Variants in CSMD1 observed in about 807,000 individuals in gnomAD.
CSMD1 encodes the protein CUB and Sushi multiple domains 1.
In CSMD1, 213 loss-of-function variants were observed where a neutral mutation model predicts 417.5. That is an observed-to-expected ratio of 0.51 (90% CI 0.46 to 0.57). The LOEUF (loss-of-function observed/expected upper bound fraction) is 0.57. Among genes scored for constraint, CSMD1 ranks in the 20% least tolerant of loss-of-function variants. The probability of loss-of-function intolerance (pLI) is 0.00; values close to 1 mark genes in which losing one functional copy is unlikely to be tolerated. For missense variants in CSMD1, 6,923 were observed against 4,529.7 expected (o/e 1.53, Z -15.17); for synonymous variants, 2,862 against 1,736.8 (o/e 1.65, Z -16.11).
chr8:4,915,917 G>A (rs1585320871), intron 1 of CSMD1, among the ~76,000 whole-genome samples: 1 of 152,170 alleles, frequency 6.6e-6, no homozygotes. Context: ...CTCTTCATGG[G>A]GAGTGGGTAT....
chr8:2,977,121 T>C (rs1804995744), intron 55 of CSMD1, among the ~76,000 whole-genome samples: 1 of 152,172 alleles, frequency 6.6e-6, no homozygotes, highest in Admixed American at 6.5e-5. Context: ...TATCTTTATT[T>C]AAGTTCTGGG....
At chr8:3,158,008 C>A (rs1296570926) in intron 38 of CSMD1, 42 bp from the exon 39 acceptor site, 1 of 1,438,160 alleles carries the variant, frequency 7.0e-7, no homozygotes, top group Non-Finnish European at 9.6e-7. Context: ...TAACTAAAAA[C>A]AGAGTATTTA....
chr8:4,184,832 G>C (rs1310314896), intron 3 of CSMD1, among the ~76,000 whole-genome samples: 1 of 151,942 alleles, frequency 6.6e-6, no homozygotes, highest in Non-Finnish European at 1.5e-5. Context: ...ATGTACCCCT[G>C]AATTTAAAAT....
chr8:4,911,574 G>A (rs1805673137), intron 1 of CSMD1, among the ~76,000 whole-genome samples: 1 of 152,134 alleles, frequency 6.6e-6, no homozygotes, highest in South Asian at 2.1e-4. Context: ...CCCTCTACCT[G>A]CATCCAGGGA....
intron 3 of CSMD1, among the ~76,000 whole-genome samples, chr8:4,268,656 T>A (rs775316105): frequency 2.0e-5 from 3 of 152,106 alleles, no homozygotes; most frequent in Non-Finnish European, 4.4e-5. Context: ...TCTCTGTAAA[T>A]TCCAAGTACA....
intron 2 of CSMD1, among the ~76,000 whole-genome samples, chr8:4,577,139 T>C (rs1411014930): frequency 6.6e-6 from 1 of 152,200 alleles, no homozygotes; most frequent in Non-Finnish European, 1.5e-5. Flanking sequence ...TTCTGCAATG[T>C]TTCCTTGGGT....
Position 4,072,277 on chromosome 8 carries a change from T to A in CSMD1, c.416-40178A>T, listed in dbSNP as rs537772675. Reference sequence around the variant, plus strand: ...TAGGAGTTTATTTGGCCATCCTGAATTGCACTTTTACAAAAAAATACCTTC... The same window carrying A: ...TAGGAGTTTATTTGGCCATCCTGAAATGCACTTTTACAAAAAAATACCTTC... On this transcript the variant is annotated intron_variant, in intron 3 of 69. Coordinates refer to ENST00000635120, the MANE Select transcript of CSMD1 (RefSeq NM_033225.6). Among the ~76,000 whole-genome samples the A allele has an allele frequency of 3.9e-5, 6 of 152,316 alleles. No individual in the cohort carries two copies. The South Asian group carries it at 6.2e-4, about 16-fold the overall frequency.
intron 2 of CSMD1, among the ~76,000 whole-genome samples, chr8:4,625,171 G>A (rs538104157): frequency 3.9e-5 from 6 of 151,994 alleles, no homozygotes; most frequent in East Asian, 3.9e-4. Context: ...AATCTCGTAC[G>A]GGGAGATACA....
chr8:3,618,822 T>C (rs1802274917), intron 7 of CSMD1, among the ~76,000 whole-genome samples: 2 of 152,212 alleles, frequency 1.3e-5, no homozygotes, highest in South Asian at 4.1e-4. Context: ...ATGACTTGCG[T>C]GGCACAGTGC....
intron 5 of CSMD1, among the ~76,000 whole-genome samples, chr8:3,933,990 C>T (rs141571374): frequency 7.9e-4 from 120 of 152,244 alleles, no homozygotes; most frequent in Admixed American, 1.4e-3. Flanking sequence ...GTGGCAAACC[C>T]ATGGCAAATA....
chr8:4,087,476 C>A (rs115797132), intron 3 of CSMD1, among the ~76,000 whole-genome samples: 1 of 152,194 alleles, frequency 6.6e-6, no homozygotes, highest in Non-Finnish European at 1.5e-5. Flanking sequence ...CCTTTTCTTT[C>A]CAAACCACCT....
intron 12 of CSMD1, among the ~76,000 whole-genome samples, chr8:3,429,615 T>A (rs192089120): frequency 3.3e-5 from 5 of 152,062 alleles, no homozygotes; most frequent in Non-Finnish European, 7.4e-5. Flanking sequence ...TGACGAGGGG[T>A]GGTGAAAACA....
intron 5 of CSMD1, among the ~76,000 whole-genome samples, chr8:3,907,846 GT>G (rs1484773196): frequency 6.6e-6 from 1 of 152,134 alleles, no homozygotes; most frequent in African/African-American, 2.4e-5. Context: ...CATCAACTCT[GT>G]GCTCTGCGGT....
chr8:4,490,958 A>C (rs1801667770), intron 2 of CSMD1, among the ~76,000 whole-genome samples: 1 of 152,186 alleles, frequency 6.6e-6, no homozygotes, highest in Non-Finnish European at 1.5e-5. Context: ...AAACAAGAGA[A>C]CTGTTATGTG....
At chr8:4,666,786 A>T (rs1440350004) in intron 1 of CSMD1, among the ~76,000 whole-genome samples, 7 of 152,138 alleles carry the variant, frequency 4.6e-5, no homozygotes, top group Admixed American at 3.9e-4. Flanking sequence ...AAACGTTCTC[A>T]CATTCTGTAG....
chr8:3,365,936 C>A (rs1348999009), intron 20 of CSMD1, among the ~76,000 whole-genome samples: 2 of 152,176 alleles, frequency 1.3e-5, no homozygotes, highest in African/African-American at 4.8e-5. Flanking sequence ...GTGGGGCAAG[C>A]AAACTTTCTA....
chr8:3,620,269 G>A (rs1015668228), intron 7 of CSMD1, among the ~76,000 whole-genome samples: 36 of 146,070 alleles, frequency 2.5e-4, no homozygotes, highest in African/African-American at 9.0e-4. Flanking sequence ...ACCAATGTAT[G>A]TTCCCTACAA....
chr8:3,637,787 G>C (rs1171531585), intron 7 of CSMD1, among the ~76,000 whole-genome samples: 1 of 152,136 alleles, frequency 6.6e-6, no homozygotes, highest in African/African-American at 2.4e-5. Flanking sequence ...CCCACATCTT[G>C]GGAGGGACCC....
At chr8:3,307,606 A>G (rs1804976836) in intron 25 of CSMD1, 89 bp downstream of exon 25, 2 of 1,391,842 alleles carry the variant, frequency 1.4e-6, no homozygotes, top group Non-Finnish European at 2.0e-6. Context: ...AACTTTAACC[A>G]TGGATATTTG....
Sources: allele counts gnomAD v4.1 joint callset (sites outside exome capture counted in the v4.1 genomes callset), GRCh38; gene constraint gnomAD v4.1.1; transcripts MANE v1.5; gene names NCBI Gene and HGNC (gene_info 2026-07-23, HGNC 2026-07-21).